Variants in SPATA31F3 observed in about 807,000 individuals in gnomAD.
The protein encoded by SPATA31F3 is SPATA31 subfamily F member 3.
the SPATA31F3 span, among the ~76,000 whole-genome samples, chr9:34,895,324 T>G: frequency 6.6e-6 from 1 of 152,030 alleles, no homozygotes; most frequent in Admixed American, 6.6e-5. Context: ...ATAAGTTCGG[T>G]GGGGACTTTA....
At chr9:34,889,115 A>C in the SPATA31F3 span, 1 of 398,494 alleles carries the variant, frequency 2.5e-6, no homozygotes, top group African/African-American at 2.1e-5. Flanking sequence ...CTTCACCTGC[A>C]TGTTAATGGA....
At chr9:34,893,000 C>T in the SPATA31F3 span, 1 of 779,704 alleles carries the variant, frequency 1.3e-6, no homozygotes, top group Admixed American at 2.2e-5. Context: ...GCAAGAGGAG[C>T]CCTGTGATGG....
At chr9:34,894,561 A>T in the SPATA31F3 span, 1 of 398,432 alleles carries the variant, frequency 2.5e-6, no homozygotes, top group Non-Finnish European at 4.4e-6. Context: ...GGGACATCCT[A>T]TAAGAAGCTG....
At chr9:34,892,266 A>T in the SPATA31F3 span, among the ~76,000 whole-genome samples, 1 of 152,152 alleles carries the variant, frequency 6.6e-6, no homozygotes, top group Admixed American at 6.5e-5. Flanking sequence ...TCCATAGTGG[A>T]TCCTTCAAAA....
chr9:34,889,817 C>T, the SPATA31F3 span, among the ~76,000 whole-genome samples: 1 of 152,214 alleles, frequency 6.6e-6, no homozygotes, highest in Non-Finnish European at 1.5e-5. Context: ...AAATACTGTA[C>T]TTGCAAAATT....
At chr9:34,891,011 C>T in the SPATA31F3 span, among the ~76,000 whole-genome samples, 1 of 152,104 alleles carries the variant, frequency 6.6e-6, no homozygotes, top group African/African-American at 2.4e-5. Context: ...ATTGTGGATT[C>T]GTGAGTGATT....
the SPATA31F3 span, among the ~76,000 whole-genome samples, chr9:34,891,329 T>C: frequency 6.6e-6 from 1 of 152,202 alleles, no homozygotes; most frequent in African/African-American, 2.4e-5. Context: ...CAGTGATTTG[T>C]AGTCCCAACA....
At chr9:34,891,947 TG>T in the SPATA31F3 span, among the ~76,000 whole-genome samples, 2 of 151,890 alleles carry the variant, frequency 1.3e-5, no homozygotes, top group East Asian at 1.9e-4. Flanking sequence ...ATGGAGAATG[TG>T]GGGGAAAAGG....
chr9:34,891,124 G>GGTC, the SPATA31F3 span, among the ~76,000 whole-genome samples: 1 of 152,182 alleles, frequency 6.6e-6, no homozygotes, highest in Non-Finnish European at 1.5e-5. Flanking sequence ...CCTGGGACAG[G>GGTC]GTCTGGGCAG....
At chr9:34,893,054 A>G in the SPATA31F3 span, 6 of 952,122 alleles carry the variant, frequency 6.3e-6, no homozygotes, top group Non-Finnish European at 9.6e-6. Flanking sequence ...ACCTGCCAGC[A>G]ATTGCTTAAT....
chr9:34,895,435 A>C, the SPATA31F3 span: 1 of 397,092 alleles, frequency 2.5e-6, no homozygotes, highest in Non-Finnish European at 4.4e-6. Context: ...GCCAACCAGA[A>C]TAATCACCCA....
At chr9:34,895,455 C>G in the SPATA31F3 span, 64 of 397,430 alleles carry the variant, frequency 1.6e-4, no homozygotes, top group African/African-American at 1.3e-3. Flanking sequence ...AAATTGGGAG[C>G]TCTTCTGGTG....
the SPATA31F3 span, chr9:34,895,095 A>G: frequency 3.8e-5 from 15 of 398,580 alleles, no homozygotes; most frequent in East Asian, 5.0e-4. Context: ...CTTAAAGACA[A>G]AAACATTAGA....
the SPATA31F3 span, among the ~76,000 whole-genome samples, chr9:34,891,742 C>T: frequency 6.6e-6 from 1 of 152,154 alleles, no homozygotes; most frequent in Admixed American, 6.5e-5. Flanking sequence ...CAAAGAGTGT[C>T]CTGGATCTAG....
chr9:34,890,068 G>T, the SPATA31F3 span, among the ~76,000 whole-genome samples: 1 of 152,160 alleles, frequency 6.6e-6, no homozygotes, highest in Non-Finnish European at 1.5e-5. Flanking sequence ...ATGGGGCTCC[G>T]CAGATCCAGA....
At chr9:34,892,623 G>A in the SPATA31F3 span, 15 of 443,784 alleles carry the variant, frequency 3.4e-5, no homozygotes, top group African/African-American at 2.8e-4. Context: ...TGGGTTCAGG[G>A]AAAGAAAGGG....
the SPATA31F3 span, chr9:34,893,223 G>A: frequency 4.2e-5 from 19 of 457,410 alleles, no homozygotes; most frequent in Admixed American, 4.3e-4. Flanking sequence ...GTGGGCCGGG[G>A]TTGGCATTGT....
chr9:34,889,868 G>C, the SPATA31F3 span, among the ~76,000 whole-genome samples: 3 of 152,148 alleles, frequency 2.0e-5, no homozygotes, highest in Non-Finnish European at 4.4e-5. Context: ...GGCCCTTTAA[G>C]CTCTGGGCAC....
At chr9:34,895,343 C>T in the SPATA31F3 span, among the ~76,000 whole-genome samples, 7 of 152,094 alleles carry the variant, frequency 4.6e-5, no homozygotes, top group South Asian at 4.2e-4. Flanking sequence ...TAGGATGAGA[C>T]GGGAGGAAAA....
Sources: allele counts gnomAD v4.1 joint callset (sites outside exome capture counted in the v4.1 genomes callset), GRCh38; gene constraint gnomAD v4.1.1; transcripts MANE v1.5; gene names NCBI Gene and HGNC (gene_info 2026-07-23, HGNC 2026-07-21).